LRRC4C: variants seen among roughly 807,000 people sequenced by gnomAD.
The protein encoded by LRRC4C is leucine-rich repeat-containing protein 4C.
A neutral mutation model predicts 33.6 loss-of-function variants in LRRC4C; 5 were observed. The ratio of observed to expected loss-of-function variants is 0.15; its 90% CI spans 0.08 to 0.31. The LOEUF is 0.31. Ranked by LOEUF, LRRC4C falls within the 10% of genes least tolerant of loss-of-function variation. LRRC4C has a pLI of 1.00. For missense variants in LRRC4C, 560 were observed against 796.7 expected (o/e 0.70, Z 3.58); for synonymous variants, 329 against 302.0 (o/e 1.09, Z -0.93).
intron 3 of LRRC4C, among the ~76,000 whole-genome samples, chr11:40,628,369 T>A (rs956035459): frequency 6.6e-6 from 1 of 151,984 alleles, no homozygotes; most frequent in African/African-American, 2.4e-5. Flanking sequence ...TCCCAGCTAC[T>A]CGGGAGGCTG....
At chr11:40,187,976 T>C (rs1016660971) in intron 5 of LRRC4C, among the ~76,000 whole-genome samples, 1 of 152,122 alleles carries the variant, frequency 6.6e-6, no homozygotes, top group African/African-American at 2.4e-5. Flanking sequence ...GGACAGAGAA[T>C]ATTCAGGGAT....
At chr11:41,253,148 A>G (rs1046551909) in intron 1 of LRRC4C, among the ~76,000 whole-genome samples, 1 of 152,150 alleles carries the variant, frequency 6.6e-6, no homozygotes, top group African/African-American at 2.4e-5. Flanking sequence ...GAAGGCACCA[A>G]TGGAACAGAT....
At chr11:40,584,954 A>G (rs1449835867) in intron 3 of LRRC4C, among the ~76,000 whole-genome samples, 3 of 146,580 alleles carry the variant, frequency 2.0e-5, no homozygotes, top group Admixed American at 6.6e-5. Flanking sequence ...AAAAAAAGAA[A>G]AAAAAAAAAA....
intron 5 of LRRC4C, among the ~76,000 whole-genome samples, chr11:40,203,807 T>G (rs1282344919): frequency 6.6e-6 from 1 of 152,222 alleles, no homozygotes; most frequent in African/African-American, 2.4e-5. Context: ...GTGGAAGCAC[T>G]GACTGGATAA....
chr11:40,875,444 A>G (rs1954839474), intron 2 of LRRC4C, among the ~76,000 whole-genome samples: 1 of 152,212 alleles, frequency 6.6e-6, no homozygotes, highest in Non-Finnish European at 1.5e-5. Flanking sequence ...AAAGGGCGTT[A>G]CATGCACTGA....
chr11:41,319,146 T>C (rs1950880894), intron 1 of LRRC4C, among the ~76,000 whole-genome samples: 1 of 150,010 alleles, frequency 6.7e-6, no homozygotes, highest in African/African-American at 2.5e-5. Flanking sequence ...TAAAGCCACA[T>C]GATGCCACAT....
At chr11:40,635,792 A>C (rs1963905077) in intron 3 of LRRC4C, among the ~76,000 whole-genome samples, 1 of 151,392 alleles carries the variant, frequency 6.6e-6, no homozygotes, top group Non-Finnish European at 1.5e-5. Context: ...GCCCGCCACC[A>C]TGCCCGGCTA....
chr11:41,009,258 G>A (rs1854996003), intron 1 of LRRC4C, among the ~76,000 whole-genome samples: 1 of 151,554 alleles, frequency 6.6e-6, no homozygotes, highest in South Asian at 2.1e-4. Flanking sequence ...ATATATATAT[G>A]TTTTGAATAT....
intron 4 of LRRC4C, among the ~76,000 whole-genome samples, chr11:40,306,581 T>C (rs2136707507): frequency 6.6e-6 from 1 of 152,302 alleles, no homozygotes; most frequent in East Asian, 1.9e-4. Context: ...CTTCCCATCA[T>C]ATGCTCCTGC....
Position 40,213,399 on chromosome 11 carries a change from G to A in LRRC4C, c.-96+28120C>T, listed in dbSNP as rs544074085. The stretch of plus-strand genomic sequence containing the variant: ...GACCATCACCAGTTGAATATGTCAC[G>A]CTGGACAAAATGTTGGGAACTACTG... On this transcript the variant is annotated intron_variant, in intron 5 of 6. Transcript: ENST00000528697. Among the ~76,000 whole-genome samples, 26 of 152,180 alleles carry A rather than the reference G, an allele frequency of 1.7e-4. 1 individual carries two copies. The South Asian group carries it at 3.1e-3, about 18-fold the overall frequency.
At chr11:40,391,849 T>C (rs1949350553) in intron 3 of LRRC4C, among the ~76,000 whole-genome samples, 1 of 152,204 alleles carries the variant, frequency 6.6e-6, no homozygotes, top group South Asian at 2.1e-4. Flanking sequence ...TCTGCGAATG[T>C]TCCTAGCAGC....
chr11:40,255,442 C>T (rs911524568), intron 4 of LRRC4C, among the ~76,000 whole-genome samples: 4 of 152,206 alleles, frequency 2.6e-5, no homozygotes, highest in East Asian at 1.9e-4. Flanking sequence ...AAACACTCAA[C>T]GTTCTGATAT....
At chr11:40,476,376 C>G in intron 3 of LRRC4C, among the ~76,000 whole-genome samples, 1 of 111,210 alleles carries the variant, frequency 9.0e-6, no homozygotes, top group Admixed American at 1.2e-4. Context: ...GAGACAGTCT[C>G]ACTTTGTTGC....
chr11:41,421,997 G>C (rs564567975), intron 1 of LRRC4C, among the ~76,000 whole-genome samples: 51 of 151,926 alleles, frequency 3.4e-4, no homozygotes, highest in Non-Finnish European at 5.3e-4. Flanking sequence ...CAATCATATG[G>C]CCACATAATG....
intron 3 of LRRC4C, among the ~76,000 whole-genome samples, chr11:40,563,885 T>C (rs1489694865): frequency 1.1e-4 from 16 of 152,176 alleles, no homozygotes; most frequent in Admixed American, 1.0e-3. Context: ...CTCTGTCTCC[T>C]TAAGGCAACA....
chr11:40,387,694 G>T (rs1949164824), intron 3 of LRRC4C, among the ~76,000 whole-genome samples: 1 of 152,156 alleles, frequency 6.6e-6, no homozygotes, highest in Non-Finnish European at 1.5e-5. Flanking sequence ...CAGTGCACAT[G>T]TCAGAAAAGG....
chr11:41,203,841 T>C (rs1348582417), intron 1 of LRRC4C, among the ~76,000 whole-genome samples: 1 of 152,218 alleles, frequency 6.6e-6, no homozygotes, highest in Non-Finnish European at 1.5e-5. Flanking sequence ...TATAAAACAT[T>C]CACAGCCCAA....
At chr11:40,639,993 T>C (rs1412507476) in intron 3 of LRRC4C, among the ~76,000 whole-genome samples, 2 of 152,086 alleles carry the variant, frequency 1.3e-5, no homozygotes, top group Non-Finnish European at 2.9e-5. Context: ...GTTTGATAAG[T>C]TGGAATATAT....
At chr11:40,357,068 G>A (rs954994581) in intron 3 of LRRC4C, among the ~76,000 whole-genome samples, 1 of 152,010 alleles carries the variant, frequency 6.6e-6, no homozygotes, top group African/African-American at 2.4e-5. Context: ...CCCTAAAATT[G>A]TGAACAAATT....
Sources: gnomAD v4.1 joint callset for allele counts (sites outside exome capture counted in the v4.1 genomes callset) on GRCh38, gnomAD v4.1.1 for gene constraint, MANE v1.5 for transcripts, NCBI Gene and HGNC (gene_info 2026-07-23, HGNC 2026-07-21) for gene names.